The following LARGE1 variants were observed in gnomAD, a reference collection of about 807,000 sequenced individuals.
The protein encoded by LARGE1 is xylosyl- and glucuronyltransferase LARGE1.
A neutral mutation model predicts 87.6 loss-of-function variants in LARGE1; 43 were observed. That is an observed-to-expected ratio of 0.49 (90% CI 0.38 to 0.63). The LOEUF (loss-of-function observed/expected upper bound fraction) is 0.63, where lower values mean the gene tolerates loss of function less well. Among genes scored for constraint, LARGE1 ranks in the 30% least tolerant of loss-of-function variants. The pLI, the probability that LARGE1 is intolerant of heterozygous loss-of-function variation, is 0.00. For synonymous variants in LARGE1, 434 were observed against 394.6 expected (o/e 1.10, Z -1.18); for missense variants, 802 against 1,000.2 (o/e 0.80, Z 2.67).
At chr22:33,611,006 G>A (rs567453904) in intron 4 of LARGE1, among the ~76,000 whole-genome samples, 2 of 152,352 alleles carry the variant, frequency 1.3e-5, no homozygotes, top group African/African-American at 4.8e-5. Context: ...GTGCAAGAGT[G>A]AAGGAGGCTT....
rs1183820194 is a variant in LARGE1, at chr22:33,228,957, A to G, written c.1731-62125T>C. ...GCTGGGAACCTTGAAATGCCATTCC[A>G]TCTATGAAAAGGAGATAATATTTAA... On this transcript the variant is annotated intron_variant, in intron 11 of 11. Coordinates refer to the LARGE1 transcript ENST00000608642. Among the ~76,000 whole-genome samples, 2 of 152,192 alleles carry G rather than the reference A, an allele frequency of 1.3e-5. 1 individual carries two copies. The highest frequency in any genetic ancestry group is 4.1e-4 in the South Asian group (2 of 4,828).
rs145495570 is a variant in LARGE1 at position 33,753,067 on chromosome 22, A to C, written c.106+8304T>G. Among the ~76,000 whole-genome samples the C allele has an allele frequency of 8.4e-3, 1,272 of 152,300 alleles. 10 individuals are homozygous for C. The highest frequency in any genetic ancestry group is 0.013 in the Non-Finnish European group (909 of 68,016). ...AAAACCTGTCTTTACAAAAAATACA[A>C]AAATTACCTGGGCGTGGTGGCACGT... On this transcript the variant is annotated intron_variant, in intron 2 of 14. Coordinates refer to ENST00000397394, the MANE Select transcript of LARGE1 (RefSeq NM_133642.5).
At chr22:33,592,718 C>A (rs1465953799) in intron 5 of LARGE1, among the ~76,000 whole-genome samples, 1 of 152,154 alleles carries the variant, frequency 6.6e-6, no homozygotes, top group Non-Finnish European at 1.5e-5. Flanking sequence ...ATAACAATAC[C>A]TTTTCATTCC....
rs572464584 is a variant in LARGE1 at position 33,866,107 on chromosome 22, C to T, written c.-83+53888G>A. On this transcript the variant is annotated intron_variant, in intron 1 of 14. Coordinates refer to ENST00000397394, the MANE Select transcript of LARGE1 (RefSeq NM_133642.5). ...CAAGCAATCCTCCTGCCTCAGCCTC[C>T]GGCCTCAGCTCTGGGTAGGCCCAGA... Among the ~76,000 whole-genome samples the T allele has an allele frequency of 8.5e-5, 13 of 152,050 alleles. No homozygotes were observed. In the South Asian group the frequency reaches 1.5e-3, roughly 17 times the overall value.
At chr22:33,254,735 C>A (rs1467730635) in intron 11 of LARGE1, among the ~76,000 whole-genome samples, 1 of 152,164 alleles carries the variant, frequency 6.6e-6, no homozygotes, top group Admixed American at 6.5e-5. Flanking sequence ...GCACTTAGGA[C>A]AGTCTCTGGT....
At chr22:33,921,083 G>T (rs2065936680), upstream of LARGE1, among the ~76,000 whole-genome samples, 1 of 148,372 alleles carries the variant, frequency 6.7e-6, no homozygotes, top group Admixed American at 7.5e-5. This position sits in a 1 kb window ranked among gnomAD's most constrained non-coding sequence, Gnocchi z 4.1. Flanking sequence ...GGGCGGGGCC[G>T]GCGCCCGCGT....
At chr22:33,153,708 A>AT in the LARGE1 span, among the ~76,000 whole-genome samples, 1 of 152,190 alleles carries the variant, frequency 6.6e-6, no homozygotes, top group Non-Finnish European at 1.5e-5. Context: ...TTTAGTTTGC[A>AT]TTATCTTACC....
At chr22:33,450,214 G>C (rs1256453845) in intron 6 of LARGE1, among the ~76,000 whole-genome samples, 1 of 151,966 alleles carries the variant, frequency 6.6e-6, no homozygotes, top group Non-Finnish European at 1.5e-5. Flanking sequence ...ACCTGGCCGA[G>C]GCTTTTGTAC....
At chr22:33,393,159 A>C (rs2065593366) in intron 7 of LARGE1, among the ~76,000 whole-genome samples, 1 of 152,258 alleles carries the variant, frequency 6.6e-6, no homozygotes, top group African/African-American at 2.4e-5. Flanking sequence ...TATTGATATG[A>C]GCTTATAAGA....
chr22:33,122,924 G>A, the LARGE1 span, among the ~76,000 whole-genome samples: 1 of 152,186 alleles, frequency 6.6e-6, no homozygotes, highest in Non-Finnish European at 1.5e-5. Flanking sequence ...ACTGCTGGTG[G>A]TACTGGTTGG....
At chr22:33,915,040 C>CAGAG (rs1431046257) in intron 1 of LARGE1, among the ~76,000 whole-genome samples, 997 of 91,612 alleles carry the variant, frequency 0.011, 9 homozygotes, top group East Asian at 0.041. Flanking sequence ...CACACACACA[C>CAGAG]ACAGAGAGAG....
At chr22:33,096,890 G>T in the LARGE1 span, among the ~76,000 whole-genome samples, 1 of 152,136 alleles carries the variant, frequency 6.6e-6, no homozygotes, top group African/African-American at 2.4e-5. Context: ...TAAAGTATCT[G>T]GGTCTATTGA....
intron 6 of LARGE1, among the ~76,000 whole-genome samples, chr22:33,502,903 C>A (rs201066177): frequency 9.1e-6 from 1 of 109,314 alleles, no homozygotes; most frequent in Non-Finnish European, 1.9e-5. Flanking sequence ...CTGCTATGCT[C>A]TAGGCCTCGT....
intron 6 of LARGE1, among the ~76,000 whole-genome samples, chr22:33,558,441 C>G (rs564992024): frequency 5.7e-4 from 87 of 152,134 alleles, no homozygotes; most frequent in Non-Finnish European, 1.1e-3. Flanking sequence ...TCCAAGTGTC[C>G]GTCAGGTACC....
At chr22:33,843,848 C>T (rs1368940347) in intron 1 of LARGE1, among the ~76,000 whole-genome samples, 1 of 152,026 alleles carries the variant, frequency 6.6e-6, no homozygotes, top group African/African-American at 2.4e-5. Context: ...GAGGCCAAGG[C>T]GGGCGGATCA....
At chr22:33,555,749 T>C (rs933846144) in intron 6 of LARGE1, among the ~76,000 whole-genome samples, 7 of 151,452 alleles carry the variant, frequency 4.6e-5, no homozygotes, top group African/African-American at 1.7e-4. Flanking sequence ...GCCAACATGG[T>C]GAAACCCCAT....
chr22:33,831,603 C>A (rs778982478), intron 1 of LARGE1, among the ~76,000 whole-genome samples: 4 of 152,048 alleles, frequency 2.6e-5, no homozygotes, highest in Non-Finnish European at 5.9e-5. Flanking sequence ...CCAAAACCAG[C>A]GATTGGATTG....
At chr22:33,564,697 T>C (rs1448395594) in intron 6 of LARGE1, 151 bp downstream of exon 6, 7 of 735,012 alleles carry the variant, frequency 9.5e-6, no homozygotes, top group Non-Finnish European at 1.4e-5. Flanking sequence ...CCAAGCAGAG[T>C]TGATATTGAA....
In LARGE1 at chr22:33,401,810, A is replaced by C. The variant is rs5994735; in HGVS notation, c.893-17506T>G. ...CTAGCTTCTAGAACTGTGAGAAAAA[A>C]ATAAATCTATGTTGTTTAAGCCACC... On this transcript the variant is annotated intron_variant, in intron 7 of 14. Transcript: ENST00000397394. Among the ~76,000 whole-genome samples the C allele has an allele frequency of 8.8e-3, 1,347 of 152,320 alleles. 20 individuals are homozygous for C. Among genetic ancestry groups the C allele is most frequent in the African/African-American group, 0.031 (1,275 of 41,568 alleles).
Sources: allele counts gnomAD v4.1 joint callset (sites outside exome capture counted in the v4.1 genomes callset), GRCh38; gene constraint gnomAD v4.1.1; non-coding constraint Gnocchi (gnomAD v3.1); transcripts MANE v1.5; gene names NCBI Gene and HGNC (gene_info 2026-07-23, HGNC 2026-07-21).